The following DHRS3 variants were observed in gnomAD, a reference collection of about 807,000 sequenced individuals.
The protein encoded by DHRS3 is dehydrogenase/reductase 3.
DHRS3 carries 14 observed loss-of-function variants against 27.2 expected under a neutral mutation model. The observed-to-expected ratio is 0.52, with a 90% CI of 0.34 to 0.81. DHRS3 has a LOEUF of 0.81. Ranked by LOEUF, DHRS3 falls within the 30% of genes least tolerant of loss-of-function variation. The pLI is 0.01. For missense variants in DHRS3, 322 were observed against 406.2 expected, an observed-to-expected ratio of 0.79 and a Z score of 1.78; for synonymous variants, 165 against 175.9, an observed-to-expected ratio of 0.94 and a Z score of 0.49.
intron 1 of DHRS3, among the ~76,000 whole-genome samples, chr1:12,612,164 G>C (rs1289434571): frequency 6.6e-6 from 1 of 152,178 alleles, no homozygotes; most frequent in Non-Finnish European, 1.5e-5. Flanking sequence ...AGGTAGGACA[G>C]GTAGCCTACC....
In DHRS3 at chr1:12,583,323, T is replaced by TCATCCATCCATC. The variant is rs533930418; in HGVS notation, c.196-2669_196-2658dup. ...TATCCACTCACCTACCCTACTCCAT[T>TCATCCATCCATC]CATCCATCCATCCATCCATCCATCC... On this transcript the variant is annotated intron_variant, in intron 1 of 5. Transcript: ENST00000616661. 6.5e-4 allele frequency among the ~76,000 whole-genome samples: 82 copies of TCATCCATCCATC among 126,648 alleles called. 1 individual carries two copies. Among genetic ancestry groups the TCATCCATCCATC allele is most frequent in the Non-Finnish European group, 1.2e-3 (68 of 58,394 alleles). 83.1% of individuals were successfully genotyped at this position (126,648 alleles called of 152,430 possible).
At chr1:12,597,110 T>G (rs866287518) in intron 1 of DHRS3, among the ~76,000 whole-genome samples, 1 of 151,956 alleles carries the variant, frequency 6.6e-6, no homozygotes, top group South Asian at 2.1e-4. Flanking sequence ...GGAGTCTCAC[T>G]CTGTCACCCA....
intron 4 of DHRS3, among the ~76,000 whole-genome samples, chr1:12,577,758 G>T (rs1347088047): frequency 3.9e-5 from 6 of 152,178 alleles, no homozygotes; most frequent in African/African-American, 1.4e-4. Context: ...AGGAGGTGGA[G>T]GTTGCAGTGA....
intron 1 of DHRS3, among the ~76,000 whole-genome samples, chr1:12,604,824 G>T (rs985989374): frequency 2.6e-5 from 4 of 152,238 alleles, no homozygotes; most frequent in Non-Finnish European, 2.9e-5. Flanking sequence ...GCTGAGGCGG[G>T]TGGATCACAA....
At chr1:12,606,440 G>T (rs528099740) in intron 1 of DHRS3, among the ~76,000 whole-genome samples, 31 of 152,022 alleles carry the variant, frequency 2.0e-4, no homozygotes, top group African/African-American at 7.0e-4. Context: ...ATCCAGATCA[G>T]GTGCAGATGA....
In DHRS3 at chr1:12,572,774, G is replaced by A. The variant is rs766345411; in HGVS notation, c.778C>T (p.Leu260Phe). ...TGCATTGTCCATGGGAGGAGGAGGA[G>A]GGCCTGGTTGAGCTGCACAGCTTCC... The part of the protein sequence containing the change: ...TVEAVQLNQA[L>F]LLLPWTMHAL... The change falls in exon 5 of 6, where the codon CTC becomes TTC. Residue 260 changes from leucine to phenylalanine, a missense_variant. Leu to Phe is a conservative substitution (Grantham distance 22). Transcript: ENST00000616661. 7 of 1,611,594 alleles carry A rather than the reference G, an allele frequency of 4.3e-6. No homozygotes were observed. Among genetic ancestry groups the A allele is most frequent in the Middle Eastern group, 1.6e-4 (1 of 6,082 alleles).
intron 1 of DHRS3, chr1:12,595,841 G>A (rs1646792009): frequency 6.7e-6 from 1 of 148,800 alleles, no homozygotes; most frequent in Non-Finnish European, 1.5e-5. Flanking sequence ...AGGTGCAGAC[G>A]AGGAGGGGCT....
At chr1:12,585,232 TGTGA>T (rs1387694299) in intron 1 of DHRS3, among the ~76,000 whole-genome samples, 3 of 150,454 alleles carry the variant, frequency 2.0e-5, no homozygotes, top group African/African-American at 7.4e-5. Context: ...TGTGTGTCTA[TGTGA>T]GTGTGTGTCT....
In DHRS3 at chr1:12,578,662, G is replaced by C; in HGVS notation, c.698+56C>G. On this transcript the variant is annotated intron_variant, in intron 4 of 5. Coordinates refer to ENST00000616661, the MANE Select transcript of DHRS3 (RefSeq NM_004753.7). The surrounding 1 kb of genome is among the most constrained non-coding windows in gnomAD (Gnocchi z 4.5). ...TCTTTCTGCAGTTGGCTGACTGAATGGCTTGGGGAGGCAGGTGAGAAGGCT... is the reference window on the plus strand; with the variant it reads ...TCTTTCTGCAGTTGGCTGACTGAATCGCTTGGGGAGGCAGGTGAGAAGGCT... 1 of 1,531,938 alleles carries C rather than the reference G, an allele frequency of 6.5e-7. No individual in the cohort carries two copies. Among genetic ancestry groups the C allele is most frequent in the African/African-American group, 1.4e-5 (1 of 73,336 alleles). The allele number at this position is 1,531,938 out of a possible 1,614,324, so 94.9% of individuals were successfully genotyped here. A position where few individuals can be genotyped will look rare whatever the true frequency, so the allele number is the denominator to read the frequency against.
At chr1:12,580,485 T>G in intron 2 of DHRS3, 38 bp downstream of exon 2, 3 of 1,613,992 alleles carry the variant, frequency 1.9e-6, no homozygotes, top group Non-Finnish European at 2.5e-6. Flanking sequence ...TAGCCTGTGG[T>G]CAGCTGTGCT....
At position 12,591,452 on chromosome 1, in the gene DHRS3, T is replaced by G. The variant is rs1646744816; in HGVS notation, c.196-10786A>C. On this transcript the variant is annotated intron_variant, in intron 1 of 5. Coordinates refer to ENST00000616661, the MANE Select transcript of DHRS3 (RefSeq NM_004753.7). The surrounding 1 kb of genome is among the most constrained non-coding windows in gnomAD (Gnocchi z 4.1). Reference sequence around the variant, plus strand: ...GAGGATTGTGATGAAGCTCCTCAAATTAGATCAGCCAGTGGTGTCGCCCTC... The same window carrying G: ...GAGGATTGTGATGAAGCTCCTCAAAGTAGATCAGCCAGTGGTGTCGCCCTC... Among the ~76,000 whole-genome samples, 1 of 152,198 alleles carries G rather than the reference T, an allele frequency of 6.6e-6. No individual in the cohort carries two copies. Among genetic ancestry groups the G allele is most frequent in the Non-Finnish European group, 1.5e-5 (1 of 68,030 alleles).
intron 1 of DHRS3, among the ~76,000 whole-genome samples, chr1:12,612,807 C>A (rs939299489): frequency 6.6e-6 from 1 of 152,032 alleles, no homozygotes; most frequent in Non-Finnish European, 1.5e-5. Flanking sequence ...ACCTGTAATC[C>A]GAGCACTTCG....
In DHRS3 at chr1:12,593,996, T is replaced by A. The variant is rs988236726; in HGVS notation, c.196-13330A>T. ...AACACGGAGGCAGAGAAACTCAGGCTAGAGTTCATGGCTGACACCTCACAA... is the reference window on the plus strand; with the variant it reads ...AACACGGAGGCAGAGAAACTCAGGCAAGAGTTCATGGCTGACACCTCACAA... On this transcript the variant is annotated intron_variant, in intron 1 of 5. Transcript: ENST00000616661. This position sits in a 1 kb window ranked among gnomAD's most constrained non-coding sequence, Gnocchi z 4.6. Among the ~76,000 whole-genome samples, 1 of 152,220 alleles carries A rather than the reference T, an allele frequency of 6.6e-6. No homozygotes were observed. Among genetic ancestry groups the A allele is most frequent in the Non-Finnish European group, 1.5e-5 (1 of 68,038 alleles).
chr1:12,613,148 C>G (rs1646921578), intron 1 of DHRS3, among the ~76,000 whole-genome samples: 1 of 151,862 alleles, frequency 6.6e-6, no homozygotes, highest in Admixed American at 6.6e-5. Flanking sequence ...AGCCATGCTT[C>G]CATAAGCCAA....
At chr1:12,582,178 G>A (rs759434192) in intron 1 of DHRS3, among the ~76,000 whole-genome samples, 4 of 152,156 alleles carry the variant, frequency 2.6e-5, no homozygotes, top group Non-Finnish European at 4.4e-5. Flanking sequence ...ACATTGATAA[G>A]GAGTTGCTAA....
intron 1 of DHRS3, among the ~76,000 whole-genome samples, chr1:12,585,445 A>G (rs1646689194): frequency 6.6e-6 from 1 of 151,986 alleles, no homozygotes; most frequent in Non-Finnish European, 1.5e-5. Flanking sequence ...GTGTTTCCTC[A>G]GGTCCTTGGT....
At position 12,578,368 on chromosome 1, in the gene DHRS3, C is replaced by A. The variant is rs756270334; in HGVS notation, c.698+350G>T. On this transcript the variant is annotated intron_variant, in intron 4 of 5. Coordinates refer to ENST00000616661, the MANE Select transcript of DHRS3 (RefSeq NM_004753.7). The surrounding 1 kb of genome is among the most constrained non-coding windows in gnomAD (Gnocchi z 4.5). The stretch of plus-strand genomic sequence containing the variant: ...TCTCTCTCCCAGGCTGGAGTGCAGT[C>A]GCACAATCACAGCTCACTTGCAGCC... Among the ~76,000 whole-genome samples the A allele has an allele frequency of 6.6e-6, 1 of 152,190 alleles. No individual in the cohort carries two copies. Among genetic ancestry groups the A allele is most frequent in the African/African-American group, 2.4e-5 (1 of 41,444 alleles).
At chr1:12,568,683 T>C (rs1213820146) in intron 5 of DHRS3, among the ~76,000 whole-genome samples, 1 of 152,066 alleles carries the variant, frequency 6.6e-6, no homozygotes, top group East Asian at 1.9e-4. Context: ...CCAAGTACTT[T>C]GGGAGGCCGA....
chr1:12,581,861 G>A (rs747384839), intron 1 of DHRS3, among the ~76,000 whole-genome samples: 2 of 152,272 alleles, frequency 1.3e-5, no homozygotes, highest in Admixed American at 6.5e-5. Flanking sequence ...GAGCCGAAAG[G>A]GTTTTGGGAA....
Sources: allele counts gnomAD v4.1 joint callset (sites outside exome capture counted in the v4.1 genomes callset), GRCh38; gene constraint gnomAD v4.1.1; non-coding constraint Gnocchi (gnomAD v3.1); transcripts MANE v1.5; gene names NCBI Gene and HGNC (gene_info 2026-07-23, HGNC 2026-07-21).